ASXL1: variants seen among roughly 807,000 people sequenced by gnomAD.
The protein encoded by ASXL1 is polycomb group protein ASXL1.
In ASXL1, 65 loss-of-function variants were observed where a neutral mutation model predicts 89.1. The ratio of observed to expected loss-of-function variants is 0.73; its 90% CI spans 0.60 to 0.90. The LOEUF (loss-of-function observed/expected upper bound fraction) is 0.90, where lower values mean the gene tolerates loss of function less well. Ranked by LOEUF, ASXL1 falls within the 40% of genes least tolerant of loss-of-function variation. The pLI is 0.00. For missense variants in ASXL1, 1,786 were observed against 1,942.9 expected (o/e 0.92, Z 1.52); for synonymous variants, 739 against 746.9 (o/e 0.99, Z 0.17).
chr20:32,424,809 T>C (rs2011227111), intron 4 of ASXL1, among the ~76,000 whole-genome samples: 2 of 152,332 alleles, frequency 1.3e-5, no homozygotes, highest in South Asian at 4.1e-4. Context: ...ACTTTTATAA[T>C]TGTGGGAATG....
chr20:32,374,069 G>A (rs2048340298), intron 4 of ASXL1, among the ~76,000 whole-genome samples: 3 of 152,142 alleles, frequency 2.0e-5, no homozygotes, highest in Non-Finnish European at 4.4e-5. Context: ...CTGGAGTTCA[G>A]TGGTACAATC....
chr20:32,415,657 T>G (rs2049126056), intron 4 of ASXL1, among the ~76,000 whole-genome samples: 1 of 152,218 alleles, frequency 6.6e-6, no homozygotes, highest in Admixed American at 6.5e-5. Flanking sequence ...CTTTTCCCTC[T>G]GCAGCCATAA....
intron 4 of ASXL1, among the ~76,000 whole-genome samples, chr20:32,407,922 G>A (rs1431032634): frequency 6.6e-6 from 1 of 152,194 alleles, no homozygotes; most frequent in Admixed American, 6.5e-5. Flanking sequence ...TGGCTCTTAG[G>A]TGTGCGATTT....
chr20:32,406,552 A>G (rs1261764036), intron 4 of ASXL1, among the ~76,000 whole-genome samples: 3 of 152,172 alleles, frequency 2.0e-5, no homozygotes, highest in Non-Finnish European at 4.4e-5. Context: ...CCCTGTCTCA[A>G]ATCTATTCCC....
At chr20:32,372,779 G>A (rs1410595851) in intron 4 of ASXL1, among the ~76,000 whole-genome samples, 1 of 151,594 alleles carries the variant, frequency 6.6e-6, no homozygotes, top group Non-Finnish European at 1.5e-5. Flanking sequence ...ATTTTTAGTA[G>A]AGATGGGATT....
chr20:32,439,307 C>G lies in ASXL1; in HGVS notation c.*1969C>G. On this transcript the variant is annotated 3_prime_UTR_variant, in exon 13 of 13. Transcript: ENST00000375687. ...TCTTGTGGTATTGGAACAATAAACCCGTACAACCTGCAGTTGTGGTCTCAG... is the reference window on the plus strand; with the variant it reads ...TCTTGTGGTATTGGAACAATAAACCGGTACAACCTGCAGTTGTGGTCTCAG... 1 of 230,720 alleles carries G rather than the reference C, an allele frequency of 4.3e-6. No homozygotes were observed. The allele number at this position is 230,720 out of a possible 1,614,324, so 14.3% of individuals were successfully genotyped here. A position where few individuals can be genotyped will look rare whatever the true frequency, so the allele number is the denominator to read the frequency against.
intron 4 of ASXL1, among the ~76,000 whole-genome samples, chr20:32,382,696 G>GGATT (rs1423274039): frequency 1.3e-5 from 2 of 151,942 alleles, no homozygotes; most frequent in African/African-American, 4.8e-5. Context: ...TGAGATGGAA[G>GGATT]GATTGCTTGA....
chr20:32,379,049 T>C (rs1379391901), intron 4 of ASXL1, among the ~76,000 whole-genome samples: 1 of 150,750 alleles, frequency 6.6e-6, no homozygotes, highest in Non-Finnish European at 1.5e-5. Context: ...GGAGAATCAC[T>C]TGAACCCAGA....
chr20:32,371,682 C>T (rs959638222), intron 4 of ASXL1: 12 of 391,888 alleles, frequency 3.1e-5, no homozygotes, highest in Admixed American at 1.3e-4. Context: ...CATAGCTCAC[C>T]GTAGCCTTGA....
chr20:32,397,384 G>C (rs1419101203), intron 4 of ASXL1, among the ~76,000 whole-genome samples: 2 of 139,154 alleles, frequency 1.4e-5, no homozygotes, highest in Non-Finnish European at 3.1e-5. Context: ...ACAGGTGTGA[G>C]CCACCACTCC....
chr20:32,371,462 T>C (rs2048300005), intron 4 of ASXL1, among the ~76,000 whole-genome samples: 1 of 151,984 alleles, frequency 6.6e-6, no homozygotes, highest in South Asian at 2.1e-4. Flanking sequence ...ATTTTTTGTA[T>C]TTTTTGTGGA....
chr20:32,425,879 A>T (rs577280736), intron 4 of ASXL1, among the ~76,000 whole-genome samples: 1 of 152,134 alleles, frequency 6.6e-6, no homozygotes, highest in African/African-American at 2.4e-5. Context: ...TAATTTTTGT[A>T]TTTTTAGTAG....
intron 1 of ASXL1, chr20:32,360,066 CAAA>C (rs3215635): frequency 2.1e-3 from 695 of 328,364 alleles, no homozygotes; most frequent in East Asian, 5.1e-3. Context: ...AGGTGTTGTG[CAAA>C]AAAAAAAAAA....
Position 32,381,256 on chromosome 20 carries a change from G to A in ASXL1, c.252+12133G>A, listed in dbSNP as rs367587155. Among the ~76,000 whole-genome samples the A allele has an allele frequency of 1.6e-4, 25 of 152,268 alleles. 1 individual carries two copies. The South Asian group carries it at 5.0e-3, about 30-fold the overall frequency. On this transcript the variant is annotated intron_variant, in intron 4 of 12. Transcript: ENST00000375687. ...GATTTCCCTCTGTTATTTAGGCTGA[G>A]TGCAGTGGTGCCATCACGGCTCACT... is the stretch of plus-strand genomic sequence containing the variant.
chr20:32,374,917 G>A (rs1006581442), intron 4 of ASXL1, among the ~76,000 whole-genome samples: 1 of 152,120 alleles, frequency 6.6e-6, no homozygotes, highest in Non-Finnish European at 1.5e-5. Context: ...AATTGAGGCA[G>A]TACCATAGTC....
chr20:32,435,205 TG>T lies in ASXL1; in HGVS notation c.2494del (p.Asp832ThrfsTer6), dbSNP rs2011748014. ...TLEKGTGQAL[D>X]SHPTMKDPVN... ...TAGAGAAAGGAACTGGCCAAGCTCT[TG>T]ACAGTCATCCCACTATGAAGGATCC... On this transcript the variant is annotated frameshift_variant, in exon 13 of 13. Coordinates refer to ENST00000375687, the MANE Select transcript of ASXL1 (RefSeq NM_015338.6). LOFTEE classifies it low-confidence loss of function (END_TRUNC). 1 of 1,613,890 alleles carries T rather than the reference TG, an allele frequency of 6.2e-7. No individual in the cohort carries two copies. The highest frequency in any genetic ancestry group is 1.3e-5 in the African/African-American group (1 of 74,920).
Position 32,429,040 on chromosome 20 carries a change from T to C in ASXL1, c.472-298T>C, listed in dbSNP as rs2011434013. On this transcript the variant is annotated intron_variant, in intron 6 of 12. Transcript: ENST00000375687. The surrounding 1 kb of genome is among the most constrained non-coding windows in gnomAD (Gnocchi z 4.9). ...AGTGCAGAGTAGAGAGAACAGGAGA[T>C]TGGGAGTGAGCAGTTTGAATGATAA... The C allele has an allele frequency of 2.4e-6, 1 of 411,748 alleles. No individual in the cohort carries two copies. Among genetic ancestry groups the C allele is most frequent in the Admixed American group, 3.5e-5 (1 of 28,188 alleles). The allele number at this position is 411,748 out of a possible 1,614,324, so 25.5% of individuals were successfully genotyped here. A position where few individuals can be genotyped will look rare whatever the true frequency, so the allele number is the denominator to read the frequency against.
intron 4 of ASXL1, among the ~76,000 whole-genome samples, chr20:32,426,536 G>GTT (rs1353657083): frequency 8.4e-4 from 83 of 98,732 alleles, no homozygotes; most frequent in East Asian, 3.2e-3. Flanking sequence ...GTAGAAAACT[G>GTT]TTTTCTTTTT....
intron 1 of ASXL1, among the ~76,000 whole-genome samples, chr20:32,362,731 T>C (rs753641889): frequency 7.2e-5 from 11 of 152,240 alleles, no homozygotes; most frequent in Admixed American, 5.9e-4. Flanking sequence ...CCCCAGGAGA[T>C]TGATTTTTGC....
Sources: gnomAD v4.1 joint callset for allele counts (sites outside exome capture counted in the v4.1 genomes callset) on GRCh38, gnomAD v4.1.1 for gene constraint, Gnocchi (gnomAD v3.1) non-coding constraint, MANE v1.5 for transcripts, NCBI Gene and HGNC (gene_info 2026-07-23, HGNC 2026-07-21) for gene names.